Variants in DCHS1 observed in about 807,000 individuals in gnomAD.
The protein encoded by DCHS1 is protocadherin-16.
DCHS1 carries 78 observed loss-of-function variants against 213.9 expected under a neutral mutation model. The observed-to-expected ratio is 0.36, with a 90% CI of 0.30 to 0.44. The LOEUF (loss-of-function observed/expected upper bound fraction) is 0.44, where lower values mean the gene tolerates loss of function less well. DCHS1 is among the 20% of genes least tolerant of loss of function. The pLI, the probability that DCHS1 is intolerant of heterozygous loss-of-function variation, is 1.00. For missense variants in DCHS1, 3,946 were observed against 4,395.9 expected, an observed-to-expected ratio of 0.90 and a Z score of 2.89; for synonymous variants, 1,828 against 1,873.7, an observed-to-expected ratio of 0.98 and a Z score of 0.63.
intron 2 of DCHS1, among the ~76,000 whole-genome samples, chr11:6,639,579 C>T (rs1856034311): frequency 6.6e-6 from 1 of 152,214 alleles, no homozygotes; most frequent in African/African-American, 2.4e-5. Context: ...TCCACTAGAT[C>T]CAATCTTAAT....
rs749804635 is a variant in DCHS1, at chr11:6,640,756, G to A, written c.858C>T (p.Val286=). ...QVFASDADAG[V]NGAVTYEINR... Reference sequence around the variant, plus strand: ...TGATCTCGTAAGTCACAGCCCCATTGACACCAGCATCGGCATCAGATGCGA... The same window carrying A: ...TGATCTCGTAAGTCACAGCCCCATTAACACCAGCATCGGCATCAGATGCGA... The change falls in exon 2 of 21, where the codon GTC becomes GTT. Residue 286 remains valine (V), a synonymous_variant. Coordinates refer to ENST00000299441, the MANE Select transcript of DCHS1 (RefSeq NM_003737.4). The surrounding 1 kb of genome is among the most constrained non-coding windows in gnomAD (Gnocchi z 6.5). 38 of 1,614,006 alleles carry A rather than the reference G, an allele frequency of 2.4e-5. No homozygotes were observed. The East Asian group carries it at 8.5e-4, about 36-fold the overall frequency.
Position 6,632,762 on chromosome 11 carries a change from C to A in DCHS1, c.2750G>T (p.Arg917Leu), listed in dbSNP as rs762213705. 9.9e-6 allele frequency: 16 copies of A among 1,612,950 alleles called. No individual in the cohort carries two copies. Among genetic ancestry groups the A allele is most frequent in the Non-Finnish European group, 1.4e-5 (16 of 1,179,430 alleles). ...AACACCTGAGTCGGGGTCAAGAGCC[C>A]GCAGTGTATAGATGGGAGTCCCTGG... ...TAPGTPIYTLRALDPDSGVNS... is the reference protein window; with the variant it reads ...TAPGTPIYTLLALDPDSGVNS... The change falls in exon 6 of 21, where the codon CGG (arginine) becomes CTG (leucine). Residue 917 changes from arginine (R) to leucine (L), a missense_variant. Transcript: ENST00000299441. The surrounding 1 kb of genome is among the most constrained non-coding windows in gnomAD (Gnocchi z 5.9).
chr11:6,654,793 G>T (rs903610938), intron 1 of DCHS1, among the ~76,000 whole-genome samples: 3 of 152,026 alleles, frequency 2.0e-5, no homozygotes, highest in Admixed American at 2.0e-4. Context: ...TATTTTTCTG[G>T]CCTATGACCT....
At position 6,625,098 on chromosome 11, in the gene DCHS1, C is replaced by T; in HGVS notation, c.7146+100G>A. ...TGGGACCTTCCCATTCCCAGATCAG[C>T]TCCAACGTCCAGCCCACCTCAGCAG... On this transcript the variant is annotated intron_variant, in intron 19 of 20. Coordinates refer to ENST00000299441, the MANE Select transcript of DCHS1 (RefSeq NM_003737.4). The surrounding 1 kb of genome is among the most constrained non-coding windows in gnomAD (Gnocchi z 5.3). The T allele has an allele frequency of 1.3e-6, 2 of 1,486,848 alleles. No individual in the cohort carries two copies. The highest frequency in any genetic ancestry group is 9.0e-7 in the Non-Finnish European group (1 of 1,106,656). 92.1% of individuals were successfully genotyped at this position (1,486,848 alleles called of 1,614,324 possible). A position where few individuals can be genotyped will look rare whatever the true frequency, so the allele number is the denominator to read the frequency against.
At chr11:6,647,228 G>A (rs1589963390) in intron 1 of DCHS1, among the ~76,000 whole-genome samples, 2 of 152,216 alleles carry the variant, frequency 1.3e-5, no homozygotes, top group Non-Finnish European at 2.9e-5. Flanking sequence ...CAGGGAACAA[G>A]ACTGAGGGAG....
intron 11 of DCHS1, 25 bp from the exon 12 acceptor site, chr11:6,629,602 G>A (rs2134623637): frequency 6.2e-7 from 1 of 1,613,320 alleles, no homozygotes; most frequent in Non-Finnish European, 8.5e-7. Flanking sequence ...CATGGAGGGC[G>A]ATCAGAGGGT....
chr11:6,634,881 G>T (rs1331169057), intron 2 of DCHS1: 1 of 152,220 alleles, frequency 6.6e-6, no homozygotes, highest in Non-Finnish European at 1.5e-5. Context: ...CCTGTGCTGG[G>T]AATGTGAACA....
rs4758443 is a variant in DCHS1, at chr11:6,627,193, G to C, written c.5846C>G (p.Thr1949Arg). The change falls in exon 14 of 21, where the codon ACG becomes AGG. Residue 1949 changes from threonine to arginine, a missense_variant. By Grantham distance (71) the Thr-to-Arg change is moderately conservative. Around this residue, in one of 3 missense-constraint regions of DCHS1, gnomAD observed 3,384 missense variants for 3,780.1 expected, o/e 0.90. Coordinates refer to ENST00000299441, the MANE Select transcript of DCHS1 (RefSeq NM_003737.4). This position sits in a 1 kb window ranked among gnomAD's most constrained non-coding sequence, Gnocchi z 5.4. The stretch of plus-strand genomic sequence containing the variant: ...TGCATGGTCATTGACATCGCGCACC[G>C]TGATGGTGACAGACACTGTGGTGCT... Reference protein sequence around the residue: ...PLSTTVSVTITVRDVNDHAPT... With the variant: ...PLSTTVSVTIRVRDVNDHAPT... The C allele has an allele frequency of 6.2e-7, 1 of 1,612,700 alleles. No individual in the cohort carries two copies. Among genetic ancestry groups the C allele is most frequent in the Non-Finnish European group, 8.5e-7 (1 of 1,179,604 alleles).
At chr11:6,653,779 A>G (rs968006838) in intron 1 of DCHS1, among the ~76,000 whole-genome samples, 9 of 152,328 alleles carry the variant, frequency 5.9e-5, no homozygotes, top group African/African-American at 2.2e-4. Flanking sequence ...TCCTTAGCAT[A>G]TGAGCTGGAA....
Position 6,629,985 on chromosome 11 carries a change from G to C in DCHS1, c.4795+14C>G, listed in dbSNP as rs1250508122. ...AGCACCTTCCTCGCCCTCACTCCCA[G>C]ACCTAACTCTCACCAGTGCTTGAGT... On this transcript the variant is annotated intron_variant, in intron 10 of 20. Transcript: ENST00000299441. 4 of 1,580,550 alleles carry C rather than the reference G, an allele frequency of 2.5e-6. No homozygotes were observed. Among genetic ancestry groups the C allele is most frequent in the Non-Finnish European group, 3.4e-6 (4 of 1,159,690 alleles).
chr11:6,627,764 A>G lies in DCHS1; in HGVS notation c.5372-97T>C. 1.5e-6 allele frequency: 2 copies of G among 1,311,786 alleles called. No individual in the cohort carries two copies. The highest frequency in any genetic ancestry group is 1.5e-5 in the South Asian group (1 of 67,452). The allele number at this position is 1,311,786 out of a possible 1,614,324, so 81.3% of individuals were successfully genotyped here. A position where few individuals can be genotyped will look rare whatever the true frequency, so the allele number is the denominator to read the frequency against. ...GAGAGTGAGCATGTGCACAAAAGCA[A>G]GTGAACCTTATGAGAGAAAGGAAGA... On this transcript the variant is annotated intron_variant, in intron 13 of 20. Coordinates refer to ENST00000299441, the MANE Select transcript of DCHS1 (RefSeq NM_003737.4). The surrounding 1 kb of genome is among the most constrained non-coding windows in gnomAD (Gnocchi z 5.4).
chr11:6,630,635 G>GC lies in DCHS1; in HGVS notation c.4158dup (p.Arg1387AlafsTer24). On this transcript the variant is annotated frameshift_variant, in exon 10 of 21. Transcript: ENST00000299441. LOFTEE classifies it high-confidence loss of function. ...TCCAGGGGCCGCGCCAGGTACAAGC[G>GC]CCCTGAGGCCGCATCCAGCGCGAAG... is the stretch of plus-strand genomic sequence containing the variant. 1 of 1,536,932 alleles carries GC rather than the reference G, an allele frequency of 6.5e-7. No individual in the cohort carries two copies. Among genetic ancestry groups the GC allele is most frequent in the Non-Finnish European group, 8.7e-7 (1 of 1,146,362 alleles).
In DCHS1 at chr11:6,626,247, G is replaced by A. The variant is rs747968387; in HGVS notation, c.6498C>T (p.Asp2166=). Reference sequence around the variant, plus strand: ...GGGGCCGCAGGAAACGGGGAGCATTGTCGTTGGCATCTTGCAGGGTCAGGG... The same window carrying A: ...GGGGCCGCAGGAAACGGGGAGCATTATCGTTGGCATCTTGCAGGGTCAGGG... ...VLTLTLQDAN[D]NAPRFLRPHY... The change falls in exon 16 of 21, where the codon GAC becomes GAT. Residue 2166 remains aspartate, a synonymous_variant. Coordinates refer to ENST00000299441, the MANE Select transcript of DCHS1 (RefSeq NM_003737.4). This position sits in a 1 kb window ranked among gnomAD's most constrained non-coding sequence, Gnocchi z 5.2. 4.3e-6 allele frequency: 7 copies of A among 1,612,580 alleles called. No individual in the cohort carries two copies.
rs771737919 is a variant in DCHS1, at chr11:6,640,102, G to A, written c.1512C>T (p.Thr504=). ...CTAGGCTATAAGTGACCTGACCATT[G>A]GTGCCTTGGTCAGGATCCCGAGCAG... ...RVTARDPDQG[T]NGQVTYSLAP... The change falls in exon 2 of 21, where the codon ACC becomes ACT. Residue 504 remains threonine (T), a synonymous_variant. Transcript: ENST00000299441. The surrounding 1 kb of genome is among the most constrained non-coding windows in gnomAD (Gnocchi z 6.5). 35 of 1,613,756 alleles carry A rather than the reference G, an allele frequency of 2.2e-5. No homozygotes were observed. The highest frequency in any genetic ancestry group is 3.0e-5 in the Non-Finnish European group (35 of 1,179,770).
At position 6,627,157 on chromosome 11, in the gene DCHS1, G is replaced by A. The variant is rs7109028; in HGVS notation, c.5882C>T (p.Pro1961Leu). 3.6e-3 allele frequency: 5,779 copies of A among 1,612,110 alleles called. 189 individuals are homozygous for A. In the African/African-American group the frequency reaches 0.068, roughly 19 times the overall value. ...RDVNDHAPTF[P>L]TSPLRLRLPR... The stretch of plus-strand genomic sequence containing the variant: ...CAGACGTAGGCGCAGAGGACTGGTG[G>A]GGAAGGTGGGTGCATGGTCATTGAC... Residue 1961 changes from proline (P) to leucine (L), a missense_variant, in exon 14 of 21, where the codon CCC becomes CTC. By Grantham distance (98) the Pro-to-Leu change is moderately conservative. Around this residue, in one of 3 missense-constraint regions of DCHS1, gnomAD observed 3,384 missense variants for 3,780.1 expected, o/e 0.90. Coordinates refer to ENST00000299441, the MANE Select transcript of DCHS1 (RefSeq NM_003737.4). This position sits in a 1 kb window ranked among gnomAD's most constrained non-coding sequence, Gnocchi z 5.4.
At chr11:6,655,099 C>A (rs1188478543) in intron 1 of DCHS1, among the ~76,000 whole-genome samples, 2 of 152,162 alleles carry the variant, frequency 1.3e-5, no homozygotes, top group East Asian at 3.9e-4. Flanking sequence ...GTCACACACC[C>A]ATCCTCCACA....
Position 6,624,020 on chromosome 11 carries a change from G to A in DCHS1, c.7656C>T (p.Gly2552=). The change falls in exon 21 of 21, where the codon GGC becomes GGT. Residue 2552 remains glycine (G), a synonymous_variant. Coordinates refer to ENST00000299441, the MANE Select transcript of DCHS1 (RefSeq NM_003737.4). ...ESAGPGPRAL[G]CLVLLEPLDF... is the part of the protein sequence containing the mutation. The stretch of plus-strand genomic sequence containing the variant: ...CTAGAGGTTCAAGCAACACCAGGCA[G>A]CCCAGTGCCCGGGGGCCTGGTCCAG... 1 of 1,613,584 alleles carries A rather than the reference G, an allele frequency of 6.2e-7. No homozygotes were observed. The highest frequency in any genetic ancestry group is 8.5e-7 in the Non-Finnish European group (1 of 1,179,786).
chr11:6,641,514 CCAGCAGCAGCAG>C lies in DCHS1; in HGVS notation c.88_99del (p.Leu30_Leu33del), dbSNP rs72555381. The C allele has an allele frequency of 9.7e-6, 15 of 1,551,224 alleles. No individual in the cohort carries two copies. Among genetic ancestry groups the C allele is most frequent in the Middle Eastern group, 1.7e-4 (1 of 5,968 alleles). On this transcript the variant is annotated inframe_deletion, in exon 2 of 21. Coordinates refer to ENST00000299441, the MANE Select transcript of DCHS1 (RefSeq NM_003737.4). The surrounding 1 kb of genome is among the most constrained non-coding windows in gnomAD (Gnocchi z 7.1). ...CCCCAGGCACCTGGCACCCCAGCCC[CCAGCAGCAGCAG>C]CAGCAGCAGCAGCAATGGTAGCAGG...
Position 6,629,908 on chromosome 11 carries a change from G to A in DCHS1, c.4799C>T (p.Ala1600Val). 2 of 1,611,134 alleles carry A rather than the reference G, an allele frequency of 1.2e-6. No homozygotes were observed. The highest frequency in any genetic ancestry group is 1.7e-6 in the Non-Finnish European group (2 of 1,178,144). The change falls in exon 11 of 21, where the codon GCG becomes GTG. Residue 1600 changes from alanine (A) to valine (V), a missense_variant. Physicochemically the swap from Ala to Val is moderately conservative, Grantham distance 64. Coordinates refer to ENST00000299441, the MANE Select transcript of DCHS1 (RefSeq NM_003737.4). The part of the protein sequence containing the change: ...GHFRLHSSTG[A>V]LSVVRPLDRE... ...GTCCAACGGCCGCACCACGGACAGC[G>A]CTCCTAGGTGAGCGGTAAGGCAGGT...
Sources: allele counts gnomAD v4.1 joint callset (sites outside exome capture counted in the v4.1 genomes callset), GRCh38; gene constraint gnomAD v4.1.1; regional missense constraint gnomAD v4.1.1; non-coding constraint Gnocchi (gnomAD v3.1); transcripts MANE v1.5; gene names NCBI Gene and HGNC (gene_info 2026-07-23, HGNC 2026-07-21).